Variants in PPM1D observed in about 807,000 individuals in gnomAD.
PPM1D encodes protein phosphatase 1D.
In PPM1D, 52 loss-of-function variants were observed where a neutral mutation model predicts 58.3. The ratio of observed to expected loss-of-function variants is 0.89; its 90% CI spans 0.71 to 1.12. PPM1D has a LOEUF of 1.12. Among genes scored for constraint, PPM1D ranks in the 50% most tolerant of loss-of-function variants. The pLI, the probability that PPM1D is intolerant of heterozygous loss-of-function variation, is 0.00. For missense variants in PPM1D, 564 were observed against 777.2 expected, an observed-to-expected ratio of 0.73 and a Z score of 3.26; for synonymous variants, 278 against 285.1, an observed-to-expected ratio of 0.98 and a Z score of 0.25.
chr17:60,613,100 T>C (rs2143634554), intron 1 of PPM1D, among the ~76,000 whole-genome samples: 2 of 152,276 alleles, frequency 1.3e-5, no homozygotes, highest in Admixed American at 1.3e-4. Context: ...TAGTTGATAT[T>C]CCATTCAGTC....
At chr17:60,604,488 C>A (rs1319233626) in intron 1 of PPM1D, 1 of 152,188 alleles carries the variant, frequency 6.6e-6, no homozygotes, top group African/African-American at 2.4e-5. Context: ...ATCACAGGTG[C>A]TTTTCCTGTA....
At chr17:60,640,938 T>G (rs2031121437) in intron 3 of PPM1D, among the ~76,000 whole-genome samples, 1 of 152,298 alleles carries the variant, frequency 6.6e-6, no homozygotes, top group South Asian at 2.1e-4. Flanking sequence ...ATTTCATTTT[T>G]TTTTTTGTGG....
At chr17:60,634,131 C>T (rs1455882828) in intron 3 of PPM1D, among the ~76,000 whole-genome samples, 154 bp downstream of exon 3, 1 of 152,156 alleles carries the variant, frequency 6.6e-6, no homozygotes, top group Non-Finnish European at 1.5e-5. Context: ...CTAATCGAAG[C>T]CATGCATGGT....
Position 60,663,784 on chromosome 17 carries a change from C to T in PPM1D, c.*232C>T, listed in dbSNP as rs1462768442. On this transcript the variant is annotated 3_prime_UTR_variant, in exon 6 of 6. Transcript: ENST00000305921. ...AAATTTGTGTAAATTTGTATCCACA[C>T]AAATTCAGTCTCTGAATACACAGTA... is the stretch of plus-strand genomic sequence containing the variant. 6 of 491,140 alleles carry T rather than the reference C, an allele frequency of 1.2e-5. No individual in the cohort carries two copies. The highest frequency in any genetic ancestry group is 2.2e-5 in the Non-Finnish European group (6 of 274,628). 30.4% of individuals were successfully genotyped at this position (491,140 alleles called of 1,614,324 possible).
intron 4 of PPM1D, among the ~76,000 whole-genome samples, chr17:60,649,230 A>G (rs1241685968): frequency 6.6e-6 from 1 of 152,046 alleles, no homozygotes; most frequent in Admixed American, 6.6e-5. Context: ...TAATCTCAAA[A>G]CATTTTCATC....
chr17:60,662,124 G>A (rs1001666797), intron 5 of PPM1D, among the ~76,000 whole-genome samples: 8 of 152,142 alleles, frequency 5.3e-5, no homozygotes, highest in African/African-American at 1.4e-4. Flanking sequence ...AGCCTCCAGA[G>A]TAGCTGGGAT....
chr17:60,635,161 AAGC>A (rs1450747131), intron 3 of PPM1D, among the ~76,000 whole-genome samples: 1 of 151,972 alleles, frequency 6.6e-6, no homozygotes. Context: ...TGTTATATCC[AAGC>A]ATTTGCTATT....
At chr17:60,644,809 A>G (rs2143696225) in intron 3 of PPM1D, among the ~76,000 whole-genome samples, 1 of 152,246 alleles carries the variant, frequency 6.6e-6, no homozygotes, top group East Asian at 1.9e-4. Context: ...TTTATGTACT[A>G]AAAATGAACA....
At chr17:60,610,558 A>G (rs2030434231) in intron 1 of PPM1D, among the ~76,000 whole-genome samples, 1 of 152,198 alleles carries the variant, frequency 6.6e-6, no homozygotes, top group South Asian at 2.1e-4. Context: ...CTGAGAGCCC[A>G]GGTTTGGCAA....
intron 5 of PPM1D, among the ~76,000 whole-genome samples, chr17:60,662,660 C>G (rs572375457): frequency 2.0e-5 from 3 of 152,056 alleles, no homozygotes; most frequent in Admixed American, 6.6e-5. Context: ...AATCTTGTTC[C>G]TTAATGTATC....
In PPM1D at chr17:60,645,456, ATGTGTG is replaced by A. The variant is rs371276467; in HGVS notation, c.827-2404_827-2399del. 1.8e-3 allele frequency among the ~76,000 whole-genome samples: 219 copies of A among 123,930 alleles called. 2 individuals carry two copies. Among genetic ancestry groups the A allele is most frequent in the East Asian group, 0.011 (47 of 4,346 alleles). 81.3% of individuals were successfully genotyped at this position (123,930 alleles called of 152,430 possible). A position where few individuals can be genotyped will look rare whatever the true frequency, so the allele number is the denominator to read the frequency against. ...TTCACCAAAGCAATGTAAAATATAT[ATGTGTG>A]TGTGTGTGTGTGTGTGTGTGTGTGT... On this transcript the variant is annotated intron_variant, in intron 3 of 5. Coordinates refer to ENST00000305921, the MANE Select transcript of PPM1D (RefSeq NM_003620.4).
intron 5 of PPM1D, among the ~76,000 whole-genome samples, chr17:60,659,772 A>G (rs1408748936): frequency 1.3e-5 from 2 of 152,246 alleles, no homozygotes; most frequent in Non-Finnish European, 2.9e-5. Flanking sequence ...AACCTGGGGT[A>G]CATCTAAGAA....
chr17:60,603,299 T>A (rs2030259179), intron 1 of PPM1D, among the ~76,000 whole-genome samples: 1 of 152,150 alleles, frequency 6.6e-6, no homozygotes. Flanking sequence ...CTTCCAGTAT[T>A]TACTATATGA....
chr17:60,625,894 C>T (rs1228167736), intron 2 of PPM1D, among the ~76,000 whole-genome samples: 1 of 151,880 alleles, frequency 6.6e-6, no homozygotes, highest in Non-Finnish European at 1.5e-5. Flanking sequence ...ATTCAGGTAG[C>T]ATAAAAAAGA....
At chr17:60,612,407 C>T (rs1395137231) in intron 1 of PPM1D, among the ~76,000 whole-genome samples, 1 of 151,386 alleles carries the variant, frequency 6.6e-6, no homozygotes, top group Non-Finnish European at 1.5e-5. Flanking sequence ...GTATAGCCTA[C>T]TGCACACCTA....
intron 3 of PPM1D, among the ~76,000 whole-genome samples, chr17:60,638,783 C>G (rs1242186251): frequency 1.3e-5 from 2 of 152,114 alleles, no homozygotes; most frequent in African/African-American, 4.8e-5. Context: ...TAGCACACAC[C>G]CTTATGGTTT....
chr17:60,660,408 C>T (rs999927587), intron 5 of PPM1D, among the ~76,000 whole-genome samples: 5 of 152,136 alleles, frequency 3.3e-5, no homozygotes, highest in Non-Finnish European at 5.9e-5. Context: ...ACTAGAAATT[C>T]TTTGTCCTTT....
Position 60,663,142 on chromosome 17 carries a change from G to T in PPM1D, c.1408G>T (p.Asp470Tyr), listed in dbSNP as rs377665493. 1.2e-6 allele frequency: 2 copies of T among 1,614,038 alleles called. No individual in the cohort carries two copies. Among genetic ancestry groups the T allele is most frequent in the African/African-American group, 2.7e-5 (2 of 74,914 alleles). The change falls in exon 6 of 6, where the codon GAT becomes TAT. Residue 470 changes from aspartate (D) to tyrosine (Y), a missense_variant. By Grantham distance (160) the Asp-to-Tyr change is radical. Transcript: ENST00000305921. ...CCAAGGTGTAGTCATACCCTCAAAAGATCCAGAACCACTTGAAGAAAATTG... is the reference window on the plus strand; with the variant it reads ...CCAAGGTGTAGTCATACCCTCAAAATATCCAGAACCACTTGAAGAAAATTG... ...NVQGVVIPSK[D>Y]PEPLEENCAK...
At chr17:60,644,211 A>G (rs140817909) in intron 3 of PPM1D, among the ~76,000 whole-genome samples, 1 of 152,218 alleles carries the variant, frequency 6.6e-6, no homozygotes, top group African/African-American at 2.4e-5. Flanking sequence ...ACAGTTGTCA[A>G]TACCATGAAT....
Sources: gnomAD v4.1 joint callset for allele counts (sites outside exome capture counted in the v4.1 genomes callset) on GRCh38, gnomAD v4.1.1 for gene constraint, MANE v1.5 for transcripts, NCBI Gene and HGNC (gene_info 2026-07-23, HGNC 2026-07-21) for gene names.